The following VPS13B variants were observed in gnomAD, a reference collection of about 807,000 sequenced individuals.
VPS13B encodes the protein intermembrane lipid transfer protein VPS13B.
A neutral mutation model predicts 426.4 loss-of-function variants in VPS13B; 285 were observed. That is an observed-to-expected ratio of 0.67 (90% CI 0.61 to 0.74). VPS13B has a LOEUF of 0.74. Ranked by LOEUF, VPS13B falls within the 30% of genes least tolerant of loss-of-function variation. VPS13B has a pLI of 0.00. For synonymous variants in VPS13B, 1,676 were observed against 1,676.4 expected (o/e 1.00, Z 0.01); for missense variants, 4,537 against 4,782.6 (o/e 0.95, Z 1.51).
chr8:99,684,298 A>G (rs1295867662), intron 35 of VPS13B, among the ~76,000 whole-genome samples: 2 of 152,166 alleles, frequency 1.3e-5, no homozygotes, highest in Admixed American at 1.3e-4. Flanking sequence ...TAGTATCGGT[A>G]ATGATGGTCT....
In VPS13B at chr8:99,096,436, A is replaced by G. The variant is rs1846422579; in HGVS notation, c.412+4A>G. 1 of 1,613,760 alleles carries G rather than the reference A, an allele frequency of 6.2e-7. No homozygotes were observed. The highest frequency in any genetic ancestry group is 1.3e-5 in the African/African-American group (1 of 74,890). On this transcript the variant is annotated splice_donor_region_variant and intron_variant, in intron 4 of 61. Transcript: ENST00000357162. ...ACAGATCCTGACTTACCACCAGGTA[A>G]CTTCTAATGGGATCAATAAAACCAA...
At chr8:99,129,699 G>A (rs1384307999) in intron 8 of VPS13B, among the ~76,000 whole-genome samples, 3 of 151,924 alleles carry the variant, frequency 2.0e-5, no homozygotes, top group East Asian at 1.9e-4. Context: ...TACAAGTTAA[G>A]TACCGTCCTT....
At chr8:99,744,745 T>A (rs1250291331) in intron 39 of VPS13B, among the ~76,000 whole-genome samples, 1 of 149,582 alleles carries the variant, frequency 6.7e-6, no homozygotes, top group Non-Finnish European at 1.5e-5. Context: ...CTGCATATTC[T>A]CACTCATAGG....
intron 2 of VPS13B, among the ~76,000 whole-genome samples, chr8:99,034,074 G>C (rs1643916237): frequency 6.6e-6 from 1 of 152,092 alleles, no homozygotes; most frequent in Non-Finnish European, 1.5e-5. Flanking sequence ...GTTGTAAATT[G>C]GACATTTTGT....
intron 33 of VPS13B, among the ~76,000 whole-genome samples, chr8:99,640,061 GAAAAGAAAAGAAAAGAAAAGAAA>G (rs1829280049): frequency 9.2e-6 from 1 of 108,472 alleles, no homozygotes; most frequent in Non-Finnish European, 1.9e-5. Flanking sequence ...GAAAAGAAAA[GAAAAGAAAAGAAAAGAAAAGAAA>G]AGAAAAGAAA....
At chr8:99,527,130 TCA>T (rs1202778354) in intron 30 of VPS13B, among the ~76,000 whole-genome samples, 1 of 152,056 alleles carries the variant, frequency 6.6e-6, no homozygotes, top group Non-Finnish European at 1.5e-5. Flanking sequence ...TCCTCCATTC[TCA>T]GTCTTTCCCA....
At chr8:99,046,661 A>G (rs1843255207) in intron 3 of VPS13B, among the ~76,000 whole-genome samples, 2 of 152,068 alleles carry the variant, frequency 1.3e-5, no homozygotes, top group Non-Finnish European at 2.9e-5. Flanking sequence ...CCCATTTAGT[A>G]TTACGTTGGC....
At chr8:99,789,689 A>T (rs766908936) in intron 43 of VPS13B, among the ~76,000 whole-genome samples, 1 of 152,116 alleles carries the variant, frequency 6.6e-6, no homozygotes, top group African/African-American at 2.4e-5. Flanking sequence ...AGTTAAGTAA[A>T]ATCTGGCATA....
intron 56 of VPS13B, among the ~76,000 whole-genome samples, chr8:99,858,973 C>G (rs528367515): frequency 6.6e-6 from 1 of 152,278 alleles, no homozygotes; most frequent in Admixed American, 6.5e-5. Flanking sequence ...ACCTGCAACC[C>G]AAGAAGGCGC....
chr8:99,507,860 A>G lies in VPS13B; in HGVS notation c.4224+657A>G, dbSNP rs1554825004. Reference sequence around the variant, plus strand: ...TGAACAGACGCACCTTGTTGGTTCGACCCATCAGCAAGCAGGACCCTTTCA... The same window carrying G: ...TGAACAGACGCACCTTGTTGGTTCGGCCCATCAGCAAGCAGGACCCTTTCA... On this transcript the variant is annotated intron_variant, in intron 28 of 61. Transcript: ENST00000357162. 6.2e-7 allele frequency: 1 copy of G among 1,614,030 alleles called. No individual in the cohort carries two copies. The highest frequency in any genetic ancestry group is 8.5e-7 in the Non-Finnish European group (1 of 1,179,966).
At chr8:99,514,497 C>T (rs1317071336) in intron 29 of VPS13B, among the ~76,000 whole-genome samples, 1 of 152,108 alleles carries the variant, frequency 6.6e-6, no homozygotes, top group African/African-American at 2.4e-5. Flanking sequence ...ATGAATTTTA[C>T]TACTCTAGAA....
intron 30 of VPS13B, among the ~76,000 whole-genome samples, chr8:99,523,213 G>A (rs528121350): frequency 6.6e-6 from 1 of 152,308 alleles, no homozygotes; most frequent in South Asian, 2.1e-4. Context: ...AGAGCACCAA[G>A]TAGATTCCTA....
Position 99,160,403 on chromosome 8 carries a change from A to G in VPS13B, c.2208+3660A>G, listed in dbSNP as rs191217502. ...GCTGGGTATCGTGGCTAACGCCTGT[A>G]ATCTCAGCACTTTGAGAGTCTGAGG... On this transcript the variant is annotated intron_variant, in intron 15 of 61. Transcript: ENST00000357162. 6.1e-3 allele frequency among the ~76,000 whole-genome samples: 934 copies of G among 152,322 alleles called. 13 individuals carry two copies. The highest frequency in any genetic ancestry group is 0.021 in the African/African-American group (883 of 41,582).
intron 8 of VPS13B, among the ~76,000 whole-genome samples, chr8:99,126,159 G>C (rs1848179133): frequency 6.6e-6 from 1 of 152,154 alleles, no homozygotes; most frequent in Non-Finnish European, 1.5e-5. Context: ...ATGTGATCTT[G>C]CACCCACATA....
chr8:99,637,515 T>A (rs1010830416), intron 33 of VPS13B, among the ~76,000 whole-genome samples: 2 of 152,090 alleles, frequency 1.3e-5, no homozygotes, highest in Admixed American at 1.3e-4. Flanking sequence ...GTGATTAGAA[T>A]TAGTTACCAT....
chr8:99,722,086 C>A lies in VPS13B; in HGVS notation c.7050+1039C>A, dbSNP rs564329756. On this transcript the variant is annotated intron_variant, in intron 39 of 61. Coordinates refer to ENST00000357162, the MANE Select transcript of VPS13B (RefSeq NM_152564.5). ...TATAGTCTGGACTCTGCTCACCTCTCCAACTGGAGTTCATGCCAGTTTCTC... is the reference window on the plus strand; with the variant it reads ...TATAGTCTGGACTCTGCTCACCTCTACAACTGGAGTTCATGCCAGTTTCTC... Among the ~76,000 whole-genome samples, 6 of 152,348 alleles carry A rather than the reference C, an allele frequency of 3.9e-5. No individual in the cohort carries two copies. The East Asian group carries it at 1.2e-3, about 29-fold the overall frequency.
At chr8:99,811,344 T>C (rs1194835606) in intron 44 of VPS13B, among the ~76,000 whole-genome samples, 1 of 152,186 alleles carries the variant, frequency 6.6e-6, no homozygotes, top group Non-Finnish European at 1.5e-5. Flanking sequence ...CTCTACATTA[T>C]AGCCCTTCAA....
At chr8:99,484,101 G>A (rs1230126122) in intron 25 of VPS13B, among the ~76,000 whole-genome samples, 1 of 151,988 alleles carries the variant, frequency 6.6e-6, no homozygotes, top group African/African-American at 2.4e-5. Context: ...TAACAATTTT[G>A]TTTTACTAGA....
intron 30 of VPS13B, among the ~76,000 whole-genome samples, chr8:99,525,215 A>G (rs1236318507): frequency 6.6e-6 from 1 of 152,222 alleles, no homozygotes; most frequent in Non-Finnish European, 1.5e-5. Flanking sequence ...ACTGATTAAA[A>G]ATAATACTTA....
Sources: gnomAD v4.1 joint callset for allele counts (sites outside exome capture counted in the v4.1 genomes callset) on GRCh38, gnomAD v4.1.1 for gene constraint, MANE v1.5 for transcripts, NCBI Gene and HGNC (gene_info 2026-07-23, HGNC 2026-07-21) for gene names.